ERCC5: variants seen among roughly 807,000 people sequenced by gnomAD.
ERCC5 encodes the protein ERCC excision repair 5, endonuclease.
In ERCC5, 68 loss-of-function variants were observed where a neutral mutation model predicts 105.6. That is an observed-to-expected ratio of 0.64 (90% CI 0.53 to 0.79). The LOEUF is 0.79. Among genes scored for constraint, ERCC5 ranks in the 30% least tolerant of loss-of-function variants. The pLI, the probability that ERCC5 is intolerant of heterozygous loss-of-function variation, is 0.00. For synonymous variants in ERCC5, 546 were observed against 526.2 expected (o/e 1.04, Z -0.51); for missense variants, 1,373 against 1,426.7 (o/e 0.96, Z 0.61).
intron 14 of ERCC5, 65 bp from the exon 15 acceptor site, chr13:102,875,242 A>G: frequency 6.4e-7 from 1 of 1,552,216 alleles, no homozygotes; most frequent in Non-Finnish European, 8.8e-7. Flanking sequence ...GAGCTTGTTG[A>G]TTTGGTTTAG....
In ERCC5 at chr13:102,875,788, G is replaced by C; in HGVS notation, c.3446G>C (p.Ser1149Thr). The change falls in exon 15 of 15, where the codon AGT becomes ACT. Residue 1149 changes from serine to threonine, a missense_variant. This residue lies in a region of ERCC5 where 367 missense variants were observed against 350.2 expected (regional missense o/e 1.05). Transcript: ENST00000652225. ...GGAGGTGCGACCACCAGCAGCTCTA[G>C]TGATAGTGATGACGATGGAGGGAAA... ...KNGGATTSSS[S>T]DSDDDGGKEK... is the part of the protein sequence containing the mutation. 6.2e-7 allele frequency: 1 copy of C among 1,614,134 alleles called. No individual in the cohort carries two copies. Among genetic ancestry groups the C allele is most frequent in the South Asian group, 1.1e-5 (1 of 91,082 alleles).
intron 6 of ERCC5, 126 bp downstream of exon 6, chr13:102,858,544 T>A: frequency 2.2e-6 from 3 of 1,352,318 alleles, no homozygotes; most frequent in South Asian, 2.5e-5. Context: ...ACAGCATTTC[T>A]ACATCTCAGA....
chr13:102,862,265 G>T lies in ERCC5; in HGVS notation c.1116G>T (p.Arg372Ser). 6.2e-7 allele frequency: 1 copy of T among 1,614,052 alleles called. No individual in the cohort carries two copies. The highest frequency in any genetic ancestry group is 1.3e-5 in the African/African-American group (1 of 75,030). The change falls in exon 8 of 15, where the codon AGG becomes AGT. Residue 372 changes from arginine (R) to serine (S), a missense_variant. Physicochemically the swap from Arg to Ser is moderately radical, Grantham distance 110. Transcript: ENST00000652225. ...AAAATCGAAGGCAGGCCCGTGGGAGGAACGCACCTGCTGCTGTAGACGAAG... is the reference window on the plus strand; with the variant it reads ...AAAATCGAAGGCAGGCCCGTGGGAGTAACGCACCTGCTGCTGTAGACGAAG... ...ESENRRQARGRNAPAAVDEGS... is the reference protein window; with the variant it reads ...ESENRRQARGSNAPAAVDEGS...
At chr13:102,858,510 A>G in intron 6 of ERCC5, 92 bp downstream of exon 6, 1 of 1,549,742 alleles carries the variant, frequency 6.5e-7, no homozygotes, top group Non-Finnish European at 8.9e-7. Flanking sequence ...AGCAATACTT[A>G]CACGATATCT....
At chr13:102,874,643 TC>T (rs1883139465) in intron 14 of ERCC5, 1 of 152,342 alleles carries the variant, frequency 6.6e-6, no homozygotes, top group Non-Finnish European at 1.5e-5. Flanking sequence ...TGCCTCAGCC[TC>T]CCGAGTAGCT....
chr13:102,854,235 A>T (rs1053313538), intron 3 of ERCC5, 53 bp from the exon 4 acceptor site: 7 of 1,593,914 alleles, frequency 4.4e-6, no homozygotes, highest in Non-Finnish European at 6.0e-6. Context: ...GTCCCTGTTC[A>T]CCATCCTGAG....
chr13:102,854,572 GA>G (rs1463604876), intron 4 of ERCC5, among the ~76,000 whole-genome samples, 198 bp downstream of exon 4: 1 of 152,158 alleles, frequency 6.6e-6, no homozygotes, highest in Non-Finnish European at 1.5e-5. Context: ...GGTGATTCAT[GA>G]TTCTTATTCC....
At chr13:102,855,397 G>A (rs1247883680) in intron 4 of ERCC5, among the ~76,000 whole-genome samples, 4 of 151,846 alleles carry the variant, frequency 2.6e-5, no homozygotes, top group South Asian at 2.1e-4. Context: ...TTACAGGCAC[G>A]TGCCACCACA....
chr13:102,856,834 C>A (rs1882440711), intron 5 of ERCC5, among the ~76,000 whole-genome samples: 1 of 152,196 alleles, frequency 6.6e-6, no homozygotes, highest in Non-Finnish European at 1.5e-5. Context: ...TGGGCATTTT[C>A]CCAGCATGAT....
Position 102,875,624 on chromosome 13 carries a change from A to G in ERCC5, c.3282A>G (p.Ser1094=). ...CGGFLGETCL[S]ESSDGSSSED... ...GATTTTTGGGGGAGACCTGCCTCTC[A>G]GAATCATCTGATGGATCTTCAAGTG... Residue 1094 remains serine (S), a synonymous_variant, in exon 15 of 15, where the codon TCA becomes TCG. Transcript: ENST00000652225. 2 of 1,614,006 alleles carry G rather than the reference A, an allele frequency of 1.2e-6. No homozygotes were observed. Among genetic ancestry groups the G allele is most frequent in the South Asian group, 1.1e-5 (1 of 91,034 alleles).
chr13:102,852,705 T>C (rs1807744742), intron 2 of ERCC5, among the ~76,000 whole-genome samples: 2 of 152,184 alleles, frequency 1.3e-5, no homozygotes, highest in South Asian at 4.1e-4. Context: ...TAAGGGGAAT[T>C]GGATTTTAGG....
chr13:102,847,543 A>G (rs1051512102), intron 1 of ERCC5, among the ~76,000 whole-genome samples: 35 of 152,322 alleles, frequency 2.3e-4, no homozygotes, highest in African/African-American at 7.9e-4. Context: ...AACGACATTG[A>G]TAAGTTTTAA....
At chr13:102,857,399 C>G (rs143248086) in intron 5 of ERCC5, among the ~76,000 whole-genome samples, 93 of 152,228 alleles carry the variant, frequency 6.1e-4, no homozygotes, top group African/African-American at 2.2e-3. Flanking sequence ...CAATGCCTTC[C>G]TGATGGGGGT....
chr13:102,864,404 C>T (rs982253666), intron 8 of ERCC5, among the ~76,000 whole-genome samples: 9 of 152,138 alleles, frequency 5.9e-5, no homozygotes, highest in Non-Finnish European at 1.2e-4. Flanking sequence ...TACTTGACAT[C>T]CTCCTATGAG....
At chr13:102,846,881 C>G (rs906199978) in intron 1 of ERCC5, among the ~76,000 whole-genome samples, 2 of 152,210 alleles carry the variant, frequency 1.3e-5, no homozygotes, top group Non-Finnish European at 2.9e-5. Context: ...TGGTTTGTCA[C>G]TTTGTGGCAG....
Position 102,874,531 on chromosome 13 carries a change from T to A in ERCC5, c.2965-776T>A, listed in dbSNP as rs141039301. 5.0e-3 allele frequency among the ~76,000 whole-genome samples: 762 copies of A among 151,728 alleles called. 6 individuals carry two copies. Among genetic ancestry groups the A allele is most frequent in the African/African-American group, 0.012 (485 of 41,460 alleles). Reference sequence around the variant, plus strand: ...TAGGCATATAGCTTTACCCATATATTTTTTTTTTGAGACGGAGTCTCACTC... The same window carrying A: ...TAGGCATATAGCTTTACCCATATATATTTTTTTTGAGACGGAGTCTCACTC... On this transcript the variant is annotated intron_variant, in intron 14 of 14. Coordinates refer to ENST00000652225, the MANE Select transcript of ERCC5 (RefSeq NM_000123.4).
At chr13:102,856,344 A>C (rs1283469044) in intron 5 of ERCC5, among the ~76,000 whole-genome samples, 1 of 152,196 alleles carries the variant, frequency 6.6e-6, no homozygotes, top group African/African-American at 2.4e-5. Flanking sequence ...CTATATATTC[A>C]AAACAAGCTA....
intron 13 of ERCC5, among the ~76,000 whole-genome samples, chr13:102,872,868 G>A (rs759913827): frequency 2.0e-4 from 31 of 152,202 alleles, no homozygotes; most frequent in Non-Finnish European, 4.1e-4. Context: ...TGTCCTTTCC[G>A]TGTATATTTA....
chr13:102,875,147 G>T (rs146851873), intron 14 of ERCC5, among the ~76,000 whole-genome samples, 160 bp from the exon 15 acceptor site: 1 of 152,310 alleles, frequency 6.6e-6, no homozygotes, highest in African/African-American at 2.4e-5. Flanking sequence ...ATTACTGTCA[G>T]TAATTCACTG....
Sources: allele counts gnomAD v4.1 joint callset (sites outside exome capture counted in the v4.1 genomes callset), GRCh38; gene constraint gnomAD v4.1.1; regional missense constraint gnomAD v4.1.1; transcripts MANE v1.5; gene names NCBI Gene and HGNC (gene_info 2026-07-23, HGNC 2026-07-21).